Variants in ABCC12 observed in about 807,000 individuals in gnomAD.
ABCC12 encodes ATP-binding cassette sub-family C member 12.
In ABCC12, 142 loss-of-function variants were observed where a neutral mutation model predicts 151.1. The ratio of observed to expected loss-of-function variants is 0.94; its 90% CI spans 0.82 to 1.08. ABCC12 has a LOEUF of 1.08. ABCC12 is among the 50% of genes least tolerant of loss of function. The pLI is 0.00. For synonymous variants in ABCC12, 645 were observed against 646.4 expected (o/e 1.00, Z 0.03); for missense variants, 1,638 against 1,691.1 (o/e 0.97, Z 0.55).
At chr16:48,098,436 C>T (rs990207248) in intron 23 of ABCC12, among the ~76,000 whole-genome samples, 1 of 152,226 alleles carries the variant, frequency 6.6e-6, no homozygotes, top group African/African-American at 2.4e-5. Context: ...TGGAAGGCCT[C>T]CCAGAGTTCT....
chr16:48,109,625 T>G (rs1255497279), intron 18 of ABCC12, among the ~76,000 whole-genome samples: 5 of 152,248 alleles, frequency 3.3e-5, no homozygotes, highest in African/African-American at 1.2e-4. Context: ...GCCACCATTA[T>G]ACTCGCTGCC....
At chr16:48,127,832 G>T (rs893146157) in intron 11 of ABCC12, among the ~76,000 whole-genome samples, 2 of 152,194 alleles carry the variant, frequency 1.3e-5, no homozygotes, top group African/African-American at 2.4e-5. Context: ...AGGAGGCCAA[G>T]ACAGGAGAAT....
chr16:48,136,158 C>A (rs1309859519), intron 8 of ABCC12, among the ~76,000 whole-genome samples: 4 of 152,178 alleles, frequency 2.6e-5, no homozygotes, highest in Non-Finnish European at 4.4e-5. Flanking sequence ...AGAATCGAAG[C>A]CCACTTCTCC....
chr16:48,098,623 G>T (rs1963193361), intron 23 of ABCC12, among the ~76,000 whole-genome samples: 1 of 152,264 alleles, frequency 6.6e-6, no homozygotes, highest in Non-Finnish European at 1.5e-5. Context: ...TGACCTGGAA[G>T]TCACCTGTGG....
chr16:48,094,964 G>A (rs1310815047), intron 24 of ABCC12, among the ~76,000 whole-genome samples: 2 of 152,150 alleles, frequency 1.3e-5, no homozygotes, highest in African/African-American at 4.8e-5. Context: ...CCAATGGCAT[G>A]AAAGAGCAAG....
At position 48,115,519 on chromosome 16, in the gene ABCC12, G is replaced by T. The variant is rs777848662; in HGVS notation, c.1885C>A (p.Pro629Thr). 6.2e-7 allele frequency: 1 copy of T among 1,614,098 alleles called. No homozygotes were observed. The highest frequency in any genetic ancestry group is 1.3e-5 in the African/African-American group (1 of 74,938). The stretch of plus-strand genomic sequence containing the variant: ...ACGTGGGCGTCCACGGCCGACAGGG[G>T]GTCGTCCAGCAGGTAGAGCTGACGG... ...SDRQLYLLDDPLSAVDAHVGK... is the reference protein window; with the variant it reads ...SDRQLYLLDDTLSAVDAHVGK... The change falls in exon 15 of 31, where the codon CCC becomes ACC. Residue 629 changes from proline to threonine, a missense_variant. Transcript: ENST00000311303.
intron 11 of ABCC12, among the ~76,000 whole-genome samples, chr16:48,124,516 A>AGG (rs1270679737): frequency 6.6e-6 from 1 of 152,246 alleles, no homozygotes; most frequent in Non-Finnish European, 1.5e-5. Context: ...GGCATAGCCA[A>AGG]GCACCCACAG....
Position 48,104,281 on chromosome 16 carries a change from C to T in ABCC12, c.2761G>A (p.Val921Met), listed in dbSNP as rs1468649918. 4 of 1,614,156 alleles carry T rather than the reference C, an allele frequency of 2.5e-6. No individual in the cohort carries two copies. The South Asian group carries it at 3.3e-5, about 13-fold the overall frequency. Reference sequence around the variant, plus strand: ...TTCTCTGCGTGAAACGGCAGCCTCACATCCAGCTCGTCCATATCCTTGGAA... The same window carrying T: ...TTCTCTGCGTGAAACGGCAGCCTCATATCCAGCTCGTCCATATCCTTGGAA... ...RFSKDMDELD[V>M]RLPFHAENFL... The change falls in exon 22 of 31, where the codon GTG (valine) becomes ATG (methionine). Residue 921 changes from valine to methionine, a missense_variant. Coordinates refer to ENST00000311303, the MANE Select transcript of ABCC12 (RefSeq NM_001393797.1).
chr16:48,101,252 A>G (rs988183763), intron 22 of ABCC12, among the ~76,000 whole-genome samples: 3 of 152,158 alleles, frequency 2.0e-5, no homozygotes, highest in African/African-American at 4.8e-5. Flanking sequence ...TGTGTTTCTC[A>G]TATCAGGAAA....
At chr16:48,092,275 G>A (rs1268083411) in intron 24 of ABCC12, among the ~76,000 whole-genome samples, 1 of 152,242 alleles carries the variant, frequency 6.6e-6, no homozygotes, top group Non-Finnish European at 1.5e-5. Context: ...GGATGGAGGA[G>A]TGAGCAGGGG....
chr16:48,111,675 T>TTCA lies in ABCC12; in HGVS notation c.2125-14_2125-13insTGA. On this transcript the variant is annotated splice_polypyrimidine_tract_variant and intron_variant, in intron 16 of 30. Coordinates refer to ENST00000311303, the MANE Select transcript of ABCC12 (RefSeq NM_001393797.1). ...GGTGTTCAGGATCCTGGAGACAAAA[T>TTCA]GAAATTCCTTCTGAATGCTAAGTGA... The TTCA allele has an allele frequency of 6.2e-7, 1 of 1,614,112 alleles. No individual in the cohort carries two copies. Among genetic ancestry groups the TTCA allele is most frequent in the Non-Finnish European group, 8.5e-7 (1 of 1,180,032 alleles).
chr16:48,133,982 C>T (rs1964521930), intron 8 of ABCC12, 147 bp from the exon 9 acceptor site: 1 of 985,274 alleles, frequency 1.0e-6, no homozygotes, highest in East Asian at 2.7e-5. Context: ...CACAGAAAGC[C>T]CCGGGCACAA....
At chr16:48,099,386 G>A (rs1963223582) in intron 23 of ABCC12, among the ~76,000 whole-genome samples, 1 of 152,128 alleles carries the variant, frequency 6.6e-6, no homozygotes, top group Non-Finnish European at 1.5e-5. Context: ...GACAGAGCAA[G>A]ACTCTGTCTC....
rs560186222 is a variant in ABCC12 at position 48,106,779 on chromosome 16, A to C, written c.2475+543T>G. On this transcript the variant is annotated intron_variant, in intron 20 of 30. Coordinates refer to ENST00000311303, the MANE Select transcript of ABCC12 (RefSeq NM_001393797.1). Reference sequence around the variant, plus strand: ...GCTGGGAGAACTCCCAGCAAGCTCAAGAGAGAGTCAACACATCATTTCTTC... The same window carrying C: ...GCTGGGAGAACTCCCAGCAAGCTCACGAGAGAGTCAACACATCATTTCTTC... Among the ~76,000 whole-genome samples the C allele has an allele frequency of 2.0e-5, 3 of 152,314 alleles. No individual in the cohort carries two copies. In the East Asian group the frequency reaches 5.8e-4, roughly 29 times the overall value.
intron 15 of ABCC12, among the ~76,000 whole-genome samples, chr16:48,114,306 G>C (rs1039724568): frequency 6.6e-6 from 1 of 152,218 alleles, no homozygotes; most frequent in African/African-American, 2.4e-5. Flanking sequence ...CAGGGTCTTC[G>C]AGGAACACCC....
chr16:48,128,690 T>G lies in ABCC12; in HGVS notation c.1284A>C (p.Glu428Asp). Residue 428 changes from glutamate to aspartate, a missense_variant, in exon 11 of 31, where the codon GAA becomes GAC. Physicochemically the swap from Glu to Asp is conservative, Grantham distance 45 (BLOSUM62 2). Transcript: ENST00000311303. ...KSPPSYITQP[E>D]DPDTVLLLAN... ...CTAAAAGCAAGACAGTATCTGGGTC[T>G]TCTGGTTGGGTGATGTAAGATGGGG... 8 of 1,614,196 alleles carry G rather than the reference T, an allele frequency of 5.0e-6. No homozygotes were observed. Among genetic ancestry groups the G allele is most frequent in the Non-Finnish European group, 6.8e-6 (8 of 1,180,034 alleles).
chr16:48,101,144 G>C, intron 22 of ABCC12, 135 bp from the exon 23 acceptor site: 1 of 1,095,104 alleles, frequency 9.1e-7, no homozygotes, highest in South Asian at 1.7e-5. Context: ...TGGGGATGAA[G>C]AGCAGCCTGC....
intron 18 of ABCC12, among the ~76,000 whole-genome samples, chr16:48,109,557 G>A (rs1327456252): frequency 6.6e-6 from 1 of 151,666 alleles, no homozygotes; most frequent in Admixed American, 6.5e-5. Flanking sequence ...CATACAGACT[G>A]TGCACTCTGG....
chr16:48,119,665 C>A (rs1964003057), intron 13 of ABCC12, among the ~76,000 whole-genome samples: 1 of 152,222 alleles, frequency 6.6e-6, no homozygotes, highest in Admixed American at 6.5e-5. Flanking sequence ...GCTGCCATAC[C>A]AGCCAGCAGG....
Sources: gnomAD v4.1 joint callset for allele counts (sites outside exome capture counted in the v4.1 genomes callset) on GRCh38, gnomAD v4.1.1 for gene constraint, MANE v1.5 for transcripts, NCBI Gene and HGNC (gene_info 2026-07-23, HGNC 2026-07-21) for gene names.